CIPC: variants seen among roughly 807,000 people sequenced by gnomAD.
CIPC encodes CLOCK-interacting pacemaker.
Under a neutral mutation model 26.7 loss-of-function variants are expected in CIPC, and 12 were observed. The ratio of observed to expected loss-of-function variants is 0.45; its 90% confidence interval spans 0.29 to 0.73. CIPC has a LOEUF of 0.73. CIPC is among the 30% of genes least tolerant of loss of function. The pLI, the probability that CIPC is intolerant of heterozygous loss-of-function variation, is 0.12. For synonymous variants in CIPC, 170 were observed against 189.8 expected, an observed-to-expected ratio of 0.90 and a Z score of 0.86; for missense variants, 417 against 486.5, an observed-to-expected ratio of 0.86 and a Z score of 1.34.
At position 77,100,585 on chromosome 14, in the gene CIPC, T is replaced by C. The variant is rs12590857; in HGVS notation, c.-53+2224T>C. ...TTTCTTTTCTCTTCTTTTTTTTTTTTCTTTTGACGGAGTCTCACTCTTCAC... is the reference window on the plus strand; with the variant it reads ...TTTCTTTTCTCTTCTTTTTTTTTTTCCTTTTGACGGAGTCTCACTCTTCAC... On this transcript the variant is annotated intron_variant, in intron 1 of 3. Transcript: ENST00000361786. Among the ~76,000 whole-genome samples, 58 of 151,534 alleles carry C rather than the reference T, an allele frequency of 3.8e-4. No individual in the cohort carries two copies. The East Asian group carries it at 0.011, about 28-fold the overall frequency.
intron 3 of CIPC, among the ~76,000 whole-genome samples, chr14:77,110,812 T>C (rs951592353): frequency 7.9e-5 from 12 of 152,216 alleles, no homozygotes; most frequent in Non-Finnish European, 1.6e-4. Flanking sequence ...TACTTGAAGA[T>C]AGTGAAATTT....
chr14:77,112,716 T>C (rs1886728576), intron 3 of CIPC, among the ~76,000 whole-genome samples: 1 of 151,908 alleles, frequency 6.6e-6, no homozygotes, highest in South Asian at 2.1e-4. Flanking sequence ...TTTTTGTTGT[T>C]GTTGTTGTTT....
Position 77,112,708 on chromosome 14 carries a change from T to TG in CIPC, c.307-717_307-716insG, listed in dbSNP as rs200880909. On this transcript the variant is annotated intron_variant, in intron 3 of 3. Coordinates refer to ENST00000361786, the MANE Select transcript of CIPC (RefSeq NM_033426.3). ...TTTTTTTCTTTTCTTTCTGTTTTTT[T>TG]TTGTTGTTGTTGTTGTTTTTGAAAC... Among the ~76,000 whole-genome samples, 608 of 151,934 alleles carry TG rather than the reference T, an allele frequency of 4.0e-3. 3 individuals carry two copies. The highest frequency in any genetic ancestry group is 0.014 in the African/African-American group (589 of 41,438).
intron 2 of CIPC, among the ~76,000 whole-genome samples, chr14:77,106,522 CT>C (rs1264740232): frequency 6.6e-6 from 1 of 152,088 alleles, no homozygotes; most frequent in Non-Finnish European, 1.5e-5. Context: ...ATTTCCCGCT[CT>C]GAGGGTAGTG....
At position 77,115,077 on chromosome 14, in the gene CIPC, G is replaced by T. The variant is rs1424874841; in HGVS notation, c.*759G>T. ...TTTGACTTAGAAGCTGAAGAAAATA[G>T]ACATAGCCGGCATATCTCATGGTCA... On this transcript the variant is annotated 3_prime_UTR_variant, in exon 4 of 4. Coordinates refer to ENST00000361786, the MANE Select transcript of CIPC (RefSeq NM_033426.3). The T allele has an allele frequency of 6.6e-6, 1 of 152,192 alleles. No individual in the cohort carries two copies. The highest frequency in any genetic ancestry group is 1.5e-5 in the Non-Finnish European group (1 of 68,042). The allele number at this position is 152,192 out of a possible 1,614,324, so 9.4% of individuals were successfully genotyped here. A position where few individuals can be genotyped will look rare whatever the true frequency, so the allele number is the denominator to read the frequency against.
intron 1 of CIPC, among the ~76,000 whole-genome samples, chr14:77,104,507 A>G (rs4899636): frequency 0.97 from 147,747 of 152,332 alleles, 71,774 homozygotes; most frequent in East Asian, 1. Context: ...ATTCCAAGGT[A>G]TTGCCTGTCT....
At chr14:77,100,987 G>A (rs1176079543) in intron 1 of CIPC, among the ~76,000 whole-genome samples, 11 of 152,160 alleles carry the variant, frequency 7.2e-5, no homozygotes, top group African/African-American at 1.7e-4. Flanking sequence ...CAGTTTTGGA[G>A]CCTAAATTAG....
chr14:77,113,941 G>A lies in CIPC; in HGVS notation c.823G>A (p.Gly275Arg), dbSNP rs1886756408. The change falls in exon 4 of 4, where the codon GGG (glycine) becomes AGG (arginine). Residue 275 changes from glycine (G) to arginine (R), a missense_variant. Gly to Arg is a moderately radical substitution (Grantham distance 125). Transcript: ENST00000361786. ...CTGCGCATCAGACAGCACTCTCCAT[G>A]GGTTAGAGAGCAACTCTCCCCTTTC... ...PVCASDSTLH[G>R]LESNSPLSPL... 1.9e-6 allele frequency: 3 copies of A among 1,614,062 alleles called. No homozygotes were observed. The highest frequency in any genetic ancestry group is 2.5e-6 in the Non-Finnish European group (3 of 1,180,048).
chr14:77,101,511 A>G (rs1886483492), intron 1 of CIPC, among the ~76,000 whole-genome samples: 1 of 152,170 alleles, frequency 6.6e-6, no homozygotes, highest in African/African-American at 2.4e-5. Context: ...CTTTATTTCC[A>G]ACTGCCACCA....
chr14:77,103,398 G>C (rs1886530089), intron 1 of CIPC, among the ~76,000 whole-genome samples: 1 of 152,208 alleles, frequency 6.6e-6, no homozygotes, highest in Non-Finnish European at 1.5e-5. Context: ...TTGGCAGGGG[G>C]CTTGTGTTTT....
chr14:77,099,058 T>A (rs2140022631), intron 1 of CIPC: 1 of 152,646 alleles, frequency 6.6e-6, no homozygotes. Context: ...TGCCTGGGCG[T>A]TTGCCCTGGA....
At chr14:77,109,458 T>C (rs1164038664) in intron 2 of CIPC, among the ~76,000 whole-genome samples, 1 of 152,202 alleles carries the variant, frequency 6.6e-6, no homozygotes, top group East Asian at 1.9e-4. Flanking sequence ...TTTCTCAACA[T>C]AGATTCTCGA....
At chr14:77,108,152 G>GCC (rs1886627277) in intron 2 of CIPC, among the ~76,000 whole-genome samples, 1 of 152,138 alleles carries the variant, frequency 6.6e-6, no homozygotes, top group South Asian at 2.1e-4. Flanking sequence ...CCTTCCCATT[G>GCC]CAACACATTT....
chr14:77,110,290 A>G (rs781189259), intron 3 of CIPC, among the ~76,000 whole-genome samples: 20 of 152,194 alleles, frequency 1.3e-4, no homozygotes, highest in Non-Finnish European at 2.4e-4. Flanking sequence ...CAGAAATGGC[A>G]TCACTTCAAT....
At chr14:77,098,839 C>T (rs2140022365) in intron 1 of CIPC, 1 of 152,656 alleles carries the variant, frequency 6.6e-6, no homozygotes, top group East Asian at 1.9e-4. Context: ...TTTCCAGAGA[C>T]CTGCCGTCAC....
At chr14:77,110,730 C>T (rs746255677) in intron 3 of CIPC, among the ~76,000 whole-genome samples, 1 of 152,136 alleles carries the variant, frequency 6.6e-6, no homozygotes, top group Non-Finnish European at 1.5e-5. Context: ...TTGATTTCAG[C>T]CAAAGAAATT....
rs1363126529 is a variant in CIPC at position 77,114,079 on chromosome 14, C to G, written c.961C>G (p.Leu321Val). ...CAAACATAGGCGCTTTCAGAATACC[C>G]TAGTAGTCCTACATAAATCTGGTTT... ...QSKHRRFQNT[L>V]VVLHKSGLLE... is the part of the protein sequence containing the mutation. Residue 321 changes from leucine to valine, a missense_variant, in exon 4 of 4, where the codon CTA becomes GTA. By Grantham distance (32) the Leu-to-Val change is conservative (BLOSUM62 1). Transcript: ENST00000361786. 2.5e-6 allele frequency: 4 copies of G among 1,614,150 alleles called. No homozygotes were observed. The highest frequency in any genetic ancestry group is 2.5e-6 in the Non-Finnish European group (3 of 1,180,038).
chr14:77,100,212 T>G (rs1053122516), intron 1 of CIPC, among the ~76,000 whole-genome samples: 8 of 151,724 alleles, frequency 5.3e-5, no homozygotes, highest in African/African-American at 1.9e-4. Flanking sequence ...TATAAACTTA[T>G]ATATTTATTG....
chr14:77,107,654 A>ACTCT (rs557698167), intron 2 of CIPC, among the ~76,000 whole-genome samples: 108 of 132,796 alleles, frequency 8.1e-4, no homozygotes, highest in African/African-American at 2.1e-3. Flanking sequence ...ACACACACAC[A>ACTCT]CACACTCTCT....
Sources: allele counts gnomAD v4.1 joint callset (sites outside exome capture counted in the v4.1 genomes callset), GRCh38; gene constraint gnomAD v4.1.1; transcripts MANE v1.5; gene names NCBI Gene and HGNC (gene_info 2026-07-23, HGNC 2026-07-21).